The following MEGF6 variants were observed in gnomAD, a reference collection of about 807,000 sequenced individuals.
MEGF6 encodes multiple EGF like domains 6, also known as multiple epidermal growth factor-like domains protein 6.
In MEGF6, 184 loss-of-function variants were observed where a neutral mutation model predicts 207.1. The ratio of observed to expected loss-of-function variants is 0.89; its 90% CI spans 0.79 to 1.00. MEGF6 has a LOEUF of 1.00. Among genes scored for constraint, MEGF6 ranks in the 50% least tolerant of loss-of-function variants. MEGF6 has a pLI of 0.00. For missense variants in MEGF6, 2,282 were observed against 2,202.9 expected (o/e 1.04, Z -0.72); for synonymous variants, 1,038 against 910.0 (o/e 1.14, Z -2.53).
chr1:3,531,186 G>GC (rs1642152302), intron 4 of MEGF6: 2 of 1,521,214 alleles, frequency 1.3e-6, no homozygotes, highest in East Asian at 2.7e-5. Flanking sequence ...CGCGCGCCAG[G>GC]CCCCCCAGGA....
rs577015387 is a variant in MEGF6, at chr1:3,573,612, G to C, written c.481+6213C>G. Among the ~76,000 whole-genome samples the C allele has an allele frequency of 3.3e-5, 5 of 152,184 alleles. No homozygotes were observed. Among genetic ancestry groups the C allele is most frequent in the Non-Finnish European group, 5.9e-5 (4 of 68,026 alleles). ...AGAGACAGCCCCAGCTCCAGCTCCA[G>C]CCAGGGAGTGCACAACATGGAGAGA... On this transcript the variant is annotated intron_variant, in intron 4 of 36. Transcript: ENST00000356575. The surrounding 1 kb of genome is among the most constrained non-coding windows in gnomAD (Gnocchi z 5.1).
rs1341209941 is a variant in MEGF6, at chr1:3,505,562, C to T, written c.1919-6G>A. On this transcript the variant is annotated splice_region_variant and splice_polypyrimidine_tract_variant and intron_variant, in intron 15 of 36. Coordinates refer to ENST00000356575, the MANE Select transcript of MEGF6 (RefSeq NM_001409.4). The stretch of plus-strand genomic sequence containing the variant: ...AAAGGCCCACGGCGGGCAGGCTGCA[C>T]CCACAGAACCGTTGAGGGGGGCTCC... The T allele has an allele frequency of 5.8e-6, 9 of 1,564,488 alleles. No individual in the cohort carries two copies. In the South Asian group the frequency reaches 9.3e-5, roughly 16 times the overall value.
rs531839725 is a variant in MEGF6, at chr1:3,586,164, T to C, written c.377-6235A>G. On this transcript the variant is annotated intron_variant, in intron 3 of 36. Transcript: ENST00000356575. ...TGTCCTGTGTGTGTGTGAGGACACATGTCCTGTGTGTGGGTGTGAGTGTGG... is the reference window on the plus strand; with the variant it reads ...TGTCCTGTGTGTGTGTGAGGACACACGTCCTGTGTGTGGGTGTGAGTGTGG... 6.0e-5 allele frequency among the ~76,000 whole-genome samples: 9 copies of C among 150,500 alleles called. No homozygotes were observed. In the East Asian group the frequency reaches 1.8e-3, roughly 30 times the overall value.
chr1:3,554,425 G>A (rs986868394), intron 4 of MEGF6, among the ~76,000 whole-genome samples: 9 of 152,176 alleles, frequency 5.9e-5, no homozygotes, highest in Non-Finnish European at 2.9e-5. Context: ...AGGGGAGGGC[G>A]GCTTCAGCCT....
intron 5 of MEGF6, among the ~76,000 whole-genome samples, chr1:3,521,407 G>C (rs892226608): frequency 5.9e-5 from 9 of 152,180 alleles, no homozygotes; most frequent in African/African-American, 2.2e-4. Flanking sequence ...TGGGTGGGCA[G>C]TGCCCTCTAA....
At chr1:3,553,210 C>A (rs1271114908) in intron 4 of MEGF6, among the ~76,000 whole-genome samples, 1 of 151,690 alleles carries the variant, frequency 6.6e-6, no homozygotes, top group East Asian at 1.9e-4. Context: ...TGGCTCCAGC[C>A]TGAGGATGGG....
chr1:3,521,724 A>G (rs376414565), intron 5 of MEGF6, among the ~76,000 whole-genome samples: 3 of 152,120 alleles, frequency 2.0e-5, no homozygotes, highest in Non-Finnish European at 4.4e-5. Flanking sequence ...CTCCCGGGAG[A>G]CCGAGGAACC....
the MEGF6 span, chr1:3,624,505 G>C: frequency 0.011 from 1,672 of 152,466 alleles, 32 homozygotes; most frequent in African/African-American, 0.037. Context: ...CCCGGCAGAA[G>C]ATCGCTGCCC....
At chr1:3,490,623 G>T in intron 36 of MEGF6, 34 bp from the exon 37 acceptor site, 1 of 1,606,300 alleles carries the variant, frequency 6.2e-7, no homozygotes. Flanking sequence ...CCAGTCCAGG[G>T]TGGGGCGGGT....
Position 3,506,219 on chromosome 1 carries a change from A to T in MEGF6, c.1807T>A (p.Tyr603Asn). Residue 603 changes from tyrosine to asparagine, a missense_variant, in exon 15 of 37, where the codon TAT (tyrosine) becomes AAT (asparagine). Tyr to Asn is a moderately radical substitution (Grantham distance 143, BLOSUM62 -2). Transcript: ENST00000356575. The part of the protein sequence containing the change: ...NCEDGCPKGY[Y>N]GKHCRKKCNC... ...CATTTCTTGCGACAGTGCTTGCCAT[A>T]GTAGCCCTTGGGGCAGCCTGGGGGC... 1.9e-6 allele frequency: 3 copies of T among 1,609,118 alleles called. No homozygotes were observed. Among genetic ancestry groups the T allele is most frequent in the Non-Finnish European group, 2.5e-6 (3 of 1,178,394 alleles).
chr1:3,616,543 G>A, the MEGF6 span, among the ~76,000 whole-genome samples: 1 of 152,172 alleles, frequency 6.6e-6, no homozygotes, highest in Non-Finnish European at 1.5e-5. Context: ...TGCAGGTGAT[G>A]GCCAGAGACG....
intron 4 of MEGF6, among the ~76,000 whole-genome samples, chr1:3,530,009 A>G (rs919611284): frequency 6.6e-6 from 1 of 152,144 alleles, no homozygotes; most frequent in African/African-American, 2.4e-5. Context: ...CTCTCCCCCA[A>G]AAGCTGGAGC....
chr1:3,595,053 G>A (rs1477904481), intron 3 of MEGF6, among the ~76,000 whole-genome samples: 2 of 152,042 alleles, frequency 1.3e-5, no homozygotes, highest in Non-Finnish European at 2.9e-5. Context: ...ATGGCCCCAG[G>A]AAACCCTCAG....
intron 4 of MEGF6, among the ~76,000 whole-genome samples, chr1:3,576,970 C>T (rs1237203855): frequency 2.0e-5 from 3 of 147,632 alleles, no homozygotes; most frequent in Admixed American, 6.7e-5. Flanking sequence ...TCTGCACACT[C>T]CATCCTGCAT....
chr1:3,514,698 G>T (rs1257005567), intron 6 of MEGF6, 26 bp from the exon 7 acceptor site: 6 of 1,549,194 alleles, frequency 3.9e-6, no homozygotes, highest in Non-Finnish European at 5.2e-6. Flanking sequence ...CGAGGAGGGG[G>T]TTGGGGAGAG....
At position 3,598,054 on chromosome 1, in the gene MEGF6, C is replaced by T. The variant is rs549376521; in HGVS notation, c.267-2607G>A. ...AAATCGAAGGAGTAGAAGATGCGCC[C>T]GCCCCGGGCCTGCCCTGCAGCCTGC... On this transcript the variant is annotated intron_variant, in intron 2 of 36. Coordinates refer to ENST00000356575, the MANE Select transcript of MEGF6 (RefSeq NM_001409.4). Among the ~76,000 whole-genome samples, 215 of 152,322 alleles carry T rather than the reference C, an allele frequency of 1.4e-3. 1 individual carries two copies. The highest frequency in any genetic ancestry group is 4.7e-3 in the African/African-American group (197 of 41,586).
At chr1:3,545,571 G>A (rs550120092) in intron 4 of MEGF6, among the ~76,000 whole-genome samples, 126 of 149,276 alleles carry the variant, frequency 8.4e-4, no homozygotes, top group Non-Finnish European at 2.8e-4. Flanking sequence ...CTCATCACGG[G>A]TCTGGGAGGG....
intron 4 of MEGF6, among the ~76,000 whole-genome samples, chr1:3,536,203 GC>G (rs1049029216): frequency 3.3e-4 from 50 of 152,228 alleles, no homozygotes; most frequent in African/African-American, 1.2e-3. Context: ...AGCCTCCCCA[GC>G]TGGCCGGCCC....
intron 3 of MEGF6, among the ~76,000 whole-genome samples, chr1:3,580,930 C>T (rs1016088474): frequency 3.9e-5 from 6 of 152,054 alleles, no homozygotes; most frequent in Non-Finnish European, 8.8e-5. Flanking sequence ...GAGGGAAGCT[C>T]TAGACAAGGG....
Sources: allele counts gnomAD v4.1 joint callset (sites outside exome capture counted in the v4.1 genomes callset), GRCh38; gene constraint gnomAD v4.1.1; non-coding constraint Gnocchi (gnomAD v3.1); transcripts MANE v1.5; gene names NCBI Gene and HGNC (gene_info 2026-07-23, HGNC 2026-07-21).